Variants in RIPK1 observed in about 807,000 individuals in gnomAD.
RIPK1 encodes the protein receptor interacting serine/threonine kinase 1, also known as receptor-interacting serine/threonine-protein kinase 1.
A neutral mutation model predicts 62.4 loss-of-function variants in RIPK1; 27 were observed. That is an observed-to-expected ratio of 0.43 (90% CI 0.32 to 0.60). RIPK1 has a LOEUF of 0.60. Among genes scored for constraint, RIPK1 ranks in the 20% least tolerant of loss-of-function variants. The pLI, the probability that RIPK1 is intolerant of heterozygous loss-of-function variation, is 0.07. For missense variants in RIPK1, 735 were observed against 831.0 expected, an observed-to-expected ratio of 0.88 and a Z score of 1.42; for synonymous variants, 287 against 303.2, an observed-to-expected ratio of 0.95 and a Z score of 0.55.
Position 3,107,404 on chromosome 6 carries a change from A to C in RIPK1, c.1576+1353A>C, listed in dbSNP as rs866956176. Among the ~76,000 whole-genome samples, 8 of 150,280 alleles carry C rather than the reference A, an allele frequency of 5.3e-5. No individual in the cohort carries two copies. The South Asian group carries it at 1.0e-3, about 20-fold the overall frequency. On this transcript the variant is annotated intron_variant, in intron 9 of 10. Transcript: ENST00000259808. The stretch of plus-strand genomic sequence containing the variant: ...ACCCCGTCTCTACTAAAAATACAAA[A>C]AAAAAAAAAAAAAAGCTGGGCATAG...
At chr6:3,084,034 C>T (rs931391830) in intron 5 of RIPK1, among the ~76,000 whole-genome samples, 3 of 152,160 alleles carry the variant, frequency 2.0e-5, no homozygotes, top group Admixed American at 2.0e-4. Flanking sequence ...CAGACTCGCC[C>T]TTGCCCCTCT....
Position 3,106,367 on chromosome 6 carries a change from T to C in RIPK1, c.1576+316T>C, listed in dbSNP as rs142693858. Among the ~76,000 whole-genome samples, 382 of 152,362 alleles carry C rather than the reference T, an allele frequency of 2.5e-3. 3 individuals carry two copies. Among genetic ancestry groups the C allele is most frequent in the African/African-American group, 8.5e-3 (354 of 41,578 alleles). ...AATCTCTGATAAATGGGAAGTTATCTGCTTATTTGCTTTTACCTTGCTTGC... is the reference window on the plus strand; with the variant it reads ...AATCTCTGATAAATGGGAAGTTATCCGCTTATTTGCTTTTACCTTGCTTGC... On this transcript the variant is annotated intron_variant, in intron 9 of 10. Coordinates refer to ENST00000259808, the MANE Select transcript of RIPK1 (RefSeq NM_001354930.2).
intron 5 of RIPK1, 122 bp from the exon 6 acceptor site, chr6:3,085,137 T>C (rs945049790): frequency 6.0e-6 from 6 of 998,904 alleles, no homozygotes; most frequent in African/African-American, 1.6e-5. Context: ...ATAAGGCCAT[T>C]CCACTCTATG....
rs150370320 is a variant in RIPK1, at chr6:3,075,013, A to G, written c.-60-1751A>G. Reference sequence around the variant, plus strand: ...GGTATTTCTGGAATACAAAACATCCATAGCCCTCCTTTTACTCTCAAAGCA... The same window carrying G: ...GGTATTTCTGGAATACAAAACATCCGTAGCCCTCCTTTTACTCTCAAAGCA... On this transcript the variant is annotated intron_variant, in intron 1 of 10. Transcript: ENST00000259808. 3.8e-3 allele frequency among the ~76,000 whole-genome samples: 574 copies of G among 152,350 alleles called. 4 individuals are homozygous for G. Among genetic ancestry groups the G allele is most frequent in the African/African-American group, 0.013 (543 of 41,586 alleles).
intron 3 of RIPK1, among the ~76,000 whole-genome samples, chr6:3,079,448 G>A (rs999157243): frequency 6.6e-6 from 1 of 152,216 alleles, no homozygotes; most frequent in African/African-American, 2.4e-5. Flanking sequence ...GCCTGGAATA[G>A]ACAGAAAAGG....
At chr6:3,077,658 A>T in intron 2 of RIPK1, 121 bp from the exon 3 acceptor site, 1 of 1,068,510 alleles carries the variant, frequency 9.4e-7, no homozygotes, top group Non-Finnish European at 1.3e-6. Flanking sequence ...CTGTGCCTGG[A>T]AGAGATCGGT....
Position 3,068,605 on chromosome 6 carries a change from G to A in RIPK1, c.-117G>A. ...GCGCCAGAGCGCGGCCATCCGGGCG[G>A]GGCCGACGGAGCGCGGCAGGACTTG... On this transcript the variant is annotated 5_prime_UTR_variant, in exon 1 of 11. Transcript: ENST00000259808. The A allele has an allele frequency of 1.0e-6, 1 of 985,320 alleles. No homozygotes were observed. Among genetic ancestry groups the A allele is most frequent in the Non-Finnish European group, 1.2e-6 (1 of 829,922 alleles). 61.0% of individuals were successfully genotyped at this position (985,320 alleles called of 1,614,324 possible). A position where few individuals can be genotyped will look rare whatever the true frequency, so the allele number is the denominator to read the frequency against.
At chr6:3,084,030 C>T (rs777931333) in intron 5 of RIPK1, among the ~76,000 whole-genome samples, 11 of 152,138 alleles carry the variant, frequency 7.2e-5, no homozygotes, top group Non-Finnish European at 1.2e-4. Flanking sequence ...ATCCCAGACT[C>T]GCCCTTGCCC....
At chr6:3,100,867 A>G (rs1760557747) in intron 7 of RIPK1, among the ~76,000 whole-genome samples, 1 of 152,224 alleles carries the variant, frequency 6.6e-6, no homozygotes, top group Non-Finnish European at 1.5e-5. Context: ...TGCTGGGATT[A>G]CAGGCGTGAG....
At chr6:3,069,445 C>T (rs559691446) in intron 1 of RIPK1, among the ~76,000 whole-genome samples, 2 of 151,876 alleles carry the variant, frequency 1.3e-5, no homozygotes, top group South Asian at 2.1e-4. Context: ...TTGACAAAGC[C>T]TCACAGGGAT....
At chr6:3,076,084 GCT>G (rs1414482113) in intron 1 of RIPK1, among the ~76,000 whole-genome samples, 2 of 152,066 alleles carry the variant, frequency 1.3e-5, no homozygotes, top group Non-Finnish European at 2.9e-5. Flanking sequence ...TGCCTCCGGT[GCT>G]CTGTTTCTGT....
At chr6:3,069,568 C>T (rs1002359379) in intron 1 of RIPK1, among the ~76,000 whole-genome samples, 1 of 152,202 alleles carries the variant, frequency 6.6e-6, no homozygotes, top group African/African-American at 2.4e-5. Context: ...AAGCAGGAGG[C>T]TGTTCCAATG....
intron 1 of RIPK1, among the ~76,000 whole-genome samples, chr6:3,071,596 C>G (rs1758714736): frequency 6.6e-6 from 1 of 152,132 alleles, no homozygotes; most frequent in Non-Finnish European, 1.5e-5. Flanking sequence ...CAAGGCCTTC[C>G]TAAGATATTC....
chr6:3,065,632 C>T (rs1273170703), upstream of RIPK1, among the ~76,000 whole-genome samples: 1 of 151,850 alleles, frequency 6.6e-6, no homozygotes, highest in East Asian at 1.9e-4. Flanking sequence ...GGAACTGCAG[C>T]CTGGGGGTGG....
intron 4 of RIPK1, among the ~76,000 whole-genome samples, chr6:3,082,138 A>T (rs1343142654): frequency 1.3e-5 from 2 of 152,134 alleles, no homozygotes; most frequent in Non-Finnish European, 2.9e-5. Flanking sequence ...AAGAATCCAA[A>T]AGGGGAAGCG....
intron 7 of RIPK1, among the ~76,000 whole-genome samples, chr6:3,097,164 C>T (rs1355663927): frequency 6.6e-6 from 1 of 152,154 alleles, no homozygotes; most frequent in African/African-American, 2.4e-5. Context: ...AGCCACCACG[C>T]CCAGCCTATA....
At chr6:3,064,155 G>A (rs1758277059), upstream of RIPK1, 1 of 152,364 alleles carries the variant, frequency 6.6e-6, no homozygotes, top group Non-Finnish European at 1.5e-5. Flanking sequence ...GAAGACAGGA[G>A]AGGTCGCTCA....
rs1581400174 is a variant in RIPK1 at position 3,085,326 on chromosome 6, C to T, written c.756C>T (p.Ile252=). ...KSGNRPDVDD[I]TEYCPREIIS... is the part of the protein sequence containing the mutation. ...GGAACAGGCCAGATGTGGATGACATCACTGAGTACTGCCCAAGAGAAATTA... is the reference window on the plus strand; with the variant it reads ...GGAACAGGCCAGATGTGGATGACATTACTGAGTACTGCCCAAGAGAAATTA... The change falls in exon 6 of 11, where the codon ATC becomes ATT. Residue 252 remains isoleucine, a synonymous_variant. Coordinates refer to ENST00000259808, the MANE Select transcript of RIPK1 (RefSeq NM_001354930.2). 1.2e-6 allele frequency: 2 copies of T among 1,614,210 alleles called. No homozygotes were observed. The highest frequency in any genetic ancestry group is 2.2e-5 in the East Asian group (1 of 44,888).
chr6:3,085,161 G>A, intron 5 of RIPK1, 98 bp from the exon 6 acceptor site: 3 of 1,319,314 alleles, frequency 2.3e-6, no homozygotes, highest in African/African-American at 2.9e-5. Context: ...TGAGGCAGCT[G>A]TACCAGAGGC....
Sources: allele counts gnomAD v4.1 joint callset (sites outside exome capture counted in the v4.1 genomes callset), GRCh38; gene constraint gnomAD v4.1.1; transcripts MANE v1.5; gene names NCBI Gene and HGNC (gene_info 2026-07-23, HGNC 2026-07-21).